VRK3: variants seen among roughly 807,000 people sequenced by gnomAD.
VRK3 encodes the protein serine/threonine-protein kinase VRK3.
A neutral mutation model predicts 60.4 loss-of-function variants in VRK3; 50 were observed. The observed-to-expected ratio is 0.83, with a 90% CI of 0.66 to 1.05. The LOEUF (loss-of-function observed/expected upper bound fraction) is 1.05. Ranked by LOEUF, VRK3 falls within the 50% of genes least tolerant of loss-of-function variation. The pLI is 0.00. For synonymous variants in VRK3, 246 were observed against 227.8 expected (o/e 1.08, Z -0.72); for missense variants, 549 against 585.3 (o/e 0.94, Z 0.64).
intron 3 of VRK3, among the ~76,000 whole-genome samples, chr19:50,009,718 C>T (rs538008261): frequency 6.6e-6 from 1 of 152,306 alleles, no homozygotes; most frequent in East Asian, 1.9e-4. Context: ...ACTGCAACCT[C>T]TGCCTCCTGG....
rs760276920 is a variant in VRK3, at chr19:50,009,252, G to A, written c.273C>T (p.Ser91=). 10 of 1,614,090 alleles carry A rather than the reference G, an allele frequency of 6.2e-6. No homozygotes were observed. Among genetic ancestry groups the A allele is most frequent in the South Asian group, 2.2e-5 (2 of 91,066 alleles). Residue 91 remains serine (S), a synonymous_variant, in exon 4 of 15, where the codon TCC becomes TCT. Coordinates refer to ENST00000316763, the MANE Select transcript of VRK3 (RefSeq NM_016440.4). ...DSSESEDTLS[S]SERSKGSGSR... ...AACTCTTACCTTTGGATCTCTCAGA[G>A]GAACTCAGAGTATCTTCAGACTCAG...
chr19:50,005,514 C>T (rs774307895), intron 5 of VRK3, among the ~76,000 whole-genome samples: 2 of 149,634 alleles, frequency 1.3e-5, no homozygotes, highest in Non-Finnish European at 2.9e-5. Context: ...ATAGTACTGA[C>T]ATCCTAAGGC....
chr19:49,981,269 G>A lies in VRK3; in HGVS notation c.1218-256C>T, dbSNP rs1417778712. On this transcript the variant is annotated intron_variant, in intron 12 of 14. Transcript: ENST00000316763. ...CCGATCAATACACCTTGTTTTGGCC[G>A]GGCACAGTGGCTCACGCCTGTAATC... is the stretch of plus-strand genomic sequence containing the variant. 21 of 509,440 alleles carry A rather than the reference G, an allele frequency of 4.1e-5. No homozygotes were observed. The East Asian group carries it at 4.5e-4, about 11-fold the overall frequency. The allele number at this position is 509,440 out of a possible 1,614,324, so 31.6% of individuals were successfully genotyped here. A position where few individuals can be genotyped will look rare whatever the true frequency, so the allele number is the denominator to read the frequency against.
intron 13 of VRK3, among the ~76,000 whole-genome samples, chr19:49,980,423 T>G (rs541489142): frequency 1.3e-5 from 2 of 152,174 alleles, no homozygotes; most frequent in African/African-American, 4.8e-5. Context: ...TTATTTTTTG[T>G]TCATAAAAAT....
intron 12 of VRK3, chr19:49,981,235 C>T (rs535749271): frequency 3.5e-5 from 20 of 574,202 alleles, no homozygotes; most frequent in East Asian, 2.7e-4. Context: ...TCTGGCCACA[C>T]GATTTTCCCC....
At chr19:49,984,624 C>T (rs187404968) in intron 12 of VRK3, among the ~76,000 whole-genome samples, 2 of 152,094 alleles carry the variant, frequency 1.3e-5, no homozygotes, top group African/African-American at 2.4e-5. Context: ...CATTCCACTA[C>T]GATTTTTCTT....
intron 12 of VRK3, among the ~76,000 whole-genome samples, chr19:49,983,445 T>C (rs2076458312): frequency 6.6e-6 from 1 of 152,120 alleles, no homozygotes; most frequent in African/African-American, 2.4e-5. Flanking sequence ...TCCACAGATG[T>C]CCCATGGCGG....
chr19:50,000,932 T>A, intron 5 of VRK3, 78 bp from the exon 6 acceptor site: 1 of 1,408,880 alleles, frequency 7.1e-7, no homozygotes, highest in Non-Finnish European at 9.8e-7. Flanking sequence ...TTCCCAGCAA[T>A]GAGAAGCGGC....
At chr19:50,017,350 G>A (rs1464238049) in intron 2 of VRK3, among the ~76,000 whole-genome samples, 4 of 151,538 alleles carry the variant, frequency 2.6e-5, no homozygotes, top group Non-Finnish European at 4.4e-5. Flanking sequence ...CGAGGTGGGC[G>A]GATCACCTGA....
chr19:50,003,425 G>A (rs565000973), intron 5 of VRK3, among the ~76,000 whole-genome samples: 6 of 152,236 alleles, frequency 3.9e-5, no homozygotes, highest in Non-Finnish European at 7.3e-5. Context: ...AGAGGGCAGC[G>A]TGGGCCCGAC....
chr19:49,995,390 T>C (rs1334672904), intron 7 of VRK3, 115 bp from the exon 8 acceptor site: 1 of 887,040 alleles, frequency 1.1e-6, no homozygotes, highest in African/African-American at 1.7e-5. Flanking sequence ...AGTCTCCTTG[T>C]TGGAGGTGAC....
chr19:49,995,803 C>G (rs1568789329), intron 7 of VRK3, among the ~76,000 whole-genome samples: 1 of 152,312 alleles, frequency 6.6e-6, no homozygotes, highest in Admixed American at 6.5e-5. Context: ...GGATGGAATA[C>G]AATGGCGCGA....
chr19:49,990,275 GATA>G (rs897100999), intron 10 of VRK3, among the ~76,000 whole-genome samples: 5 of 152,334 alleles, frequency 3.3e-5, no homozygotes, highest in African/African-American at 9.6e-5. Flanking sequence ...GTAAAATGAT[GATA>G]ATAATAGTCC....
chr19:50,013,090 C>T (rs2077021730), intron 3 of VRK3, among the ~76,000 whole-genome samples: 1 of 152,044 alleles, frequency 6.6e-6, no homozygotes, highest in African/African-American at 2.4e-5. Context: ...TGGAGAGAAC[C>T]CGGGAGGTGG....
At chr19:50,014,899 G>A (rs1220469394) in intron 3 of VRK3, among the ~76,000 whole-genome samples, 1 of 152,204 alleles carries the variant, frequency 6.6e-6, no homozygotes, top group African/African-American at 2.4e-5. Context: ...GAGGGGAGCA[G>A]AGGGCAAGAA....
chr19:50,013,379 C>T (rs756640689), intron 3 of VRK3, among the ~76,000 whole-genome samples: 4 of 152,310 alleles, frequency 2.6e-5, no homozygotes, highest in Non-Finnish European at 4.4e-5. Context: ...CATCCCAATA[C>T]GCACTGTCCC....
intron 12 of VRK3, chr19:49,982,256 G>A: frequency 4.3e-6 from 3 of 701,654 alleles, no homozygotes; most frequent in East Asian, 2.7e-5. Flanking sequence ...GAACAAAGCT[G>A]ATAAAACACA....
chr19:50,012,200 G>A (rs1405901206), intron 3 of VRK3, among the ~76,000 whole-genome samples: 2 of 152,020 alleles, frequency 1.3e-5, no homozygotes, highest in Non-Finnish European at 2.9e-5. Flanking sequence ...CAAAACTCCC[G>A]ACCTCAGGTG....
chr19:50,016,216 T>C, intron 2 of VRK3, 53 bp from the exon 3 acceptor site: 1 of 1,605,322 alleles, frequency 6.2e-7, no homozygotes, highest in Admixed American at 1.7e-5. Context: ...TGAAGGTCAG[T>C]GGAAGTATTG....
Sources: allele counts gnomAD v4.1 joint callset (sites outside exome capture counted in the v4.1 genomes callset), GRCh38; gene constraint gnomAD v4.1.1; transcripts MANE v1.5; gene names NCBI Gene and HGNC (gene_info 2026-07-23, HGNC 2026-07-21).